The following DIPK1C variants were observed in gnomAD, a reference collection of about 807,000 sequenced individuals.
The protein encoded by DIPK1C is familial non-conventional Alzheimer's dementia.
A neutral mutation model predicts 28.0 loss-of-function variants in DIPK1C; 33 were observed. That is an observed-to-expected ratio of 1.18 (90% CI 0.89 to 1.58). The LOEUF (loss-of-function observed/expected upper bound fraction) is 1.58. Ranked by LOEUF, DIPK1C falls within the 40% of genes most tolerant of loss-of-function variation. The pLI, the probability that DIPK1C is intolerant of heterozygous loss-of-function variation, is 0.00. For missense variants in DIPK1C, 569 were observed against 568.5 expected (o/e 1.00, Z -0.01); for synonymous variants, 255 against 248.8 (o/e 1.02, Z -0.23).
At chr18:74,458,603 G>GGGGTTTGGGTGTCACTCAACCAACAGCA (rs1986568773), upstream of DIPK1C, among the ~76,000 whole-genome samples, 1 of 132,442 alleles carries the variant, frequency 7.6e-6, no homozygotes. Context: ...ACAGACCCTT[G>GGGGTTTGGGTGTCACTCAACCAACAGCA]GGGTTTGGGT....
intron 1 of DIPK1C, among the ~76,000 whole-genome samples, chr18:74,450,578 G>A (rs550825628): frequency 2.0e-5 from 3 of 152,342 alleles, no homozygotes; most frequent in East Asian, 1.9e-4. Flanking sequence ...GGTGCCTACT[G>A]TGACTGCCAG....
At chr18:74,450,805 G>A (rs1986380839) in intron 1 of DIPK1C, among the ~76,000 whole-genome samples, 1 of 152,264 alleles carries the variant, frequency 6.6e-6, no homozygotes, top group African/African-American at 2.4e-5. Context: ...AGAGGGGACA[G>A]GCTTCGAAAT....
intron 3 of DIPK1C, among the ~76,000 whole-genome samples, chr18:74,440,188 C>T (rs1163031295): frequency 6.6e-6 from 1 of 152,146 alleles, no homozygotes; most frequent in Non-Finnish European, 1.5e-5. Context: ...TTGTGATCCA[C>T]CCACCTCGGC....
intron 1 of DIPK1C, among the ~76,000 whole-genome samples, chr18:74,456,423 CG>C (rs1225791196): frequency 6.6e-6 from 1 of 152,272 alleles, no homozygotes; most frequent in Non-Finnish European, 1.5e-5. Context: ...GACCGGGACC[CG>C]GGATCCTCCC....
At chr18:74,438,560 A>G (rs577309153) in intron 3 of DIPK1C, among the ~76,000 whole-genome samples, 1 of 152,362 alleles carries the variant, frequency 6.6e-6, no homozygotes, top group South Asian at 2.1e-4. Flanking sequence ...CATTTTGCCA[A>G]CAGGTGGGTG....
chr18:74,444,233 C>T (rs995239752), intron 2 of DIPK1C, among the ~76,000 whole-genome samples: 1 of 152,212 alleles, frequency 6.6e-6, no homozygotes, highest in South Asian at 2.1e-4. Context: ...GGAAGCCATA[C>T]CATCTGTTGG....
At chr18:74,443,170 A>G (rs1187324244) in intron 2 of DIPK1C, among the ~76,000 whole-genome samples, 1 of 152,236 alleles carries the variant, frequency 6.6e-6, no homozygotes, top group Non-Finnish European at 1.5e-5. Flanking sequence ...TCTCCCTGGC[A>G]TCCAACCAAA....
chr18:74,445,134 C>T (rs1986229966), intron 2 of DIPK1C, among the ~76,000 whole-genome samples: 2 of 152,176 alleles, frequency 1.3e-5, no homozygotes, highest in Admixed American at 1.3e-4. Context: ...GAGAACTGGC[C>T]CGCAGCTGCC....
At chr18:74,458,658 C>CAGGGTTTGGGTGTCACTCAATCAACAGCA (rs1555699871), upstream of DIPK1C, among the ~76,000 whole-genome samples, 6 of 152,094 alleles carry the variant, frequency 3.9e-5, no homozygotes, top group Non-Finnish European at 7.4e-5. Context: ...CAATCAACAG[C>CAGGGTTTGGGTGTCACTCAATCAACAGCA]GGTAAGGCCA....
intron 1 of DIPK1C, among the ~76,000 whole-genome samples, chr18:74,455,588 C>G (rs1252212232): frequency 6.6e-6 from 1 of 151,878 alleles, no homozygotes; most frequent in Non-Finnish European, 1.5e-5. Context: ...GTTGGGAGTT[C>G]GAGACGAGCC....
At chr18:74,442,179 T>G in intron 2 of DIPK1C, 63 bp from the exon 3 acceptor site, 1 of 1,586,430 alleles carries the variant, frequency 6.3e-7, no homozygotes, top group Non-Finnish European at 8.6e-7. Flanking sequence ...AGAGGGAGCC[T>G]GTTCACAACT....
chr18:74,457,439 A>G (rs1362032484), upstream of DIPK1C, among the ~76,000 whole-genome samples: 1 of 151,658 alleles, frequency 6.6e-6, no homozygotes, highest in African/African-American at 2.4e-5. Context: ...CAGCAGCAGC[A>G]ACACCCCGCG....
At chr18:74,462,094 T>C (rs1262057078), upstream of DIPK1C, among the ~76,000 whole-genome samples, 2 of 152,166 alleles carry the variant, frequency 1.3e-5, no homozygotes, top group African/African-American at 4.8e-5. Flanking sequence ...TTTATTGAGG[T>C]ATAATTTGTA....
At position 74,435,809 on chromosome 18, in the gene DIPK1C, G is replaced by A. The variant is rs1165685337; in HGVS notation, c.*692C>T. ...GCTAGGTAGGCAAGATGTTCCGGAG[G>A]ACACACTAGAGAAAGCACCACTCCC... On this transcript the variant is annotated 3_prime_UTR_variant, in exon 4 of 4. Transcript: ENST00000343998. The A allele has an allele frequency of 6.6e-6, 1 of 152,230 alleles. No homozygotes were observed. Among genetic ancestry groups the A allele is most frequent in the Non-Finnish European group, 1.5e-5 (1 of 68,006 alleles). 9.4% of individuals were successfully genotyped at this position (152,230 alleles called of 1,614,324 possible).
intron 2 of DIPK1C, among the ~76,000 whole-genome samples, chr18:74,444,636 G>A (rs1327469170): frequency 6.6e-6 from 1 of 152,166 alleles, no homozygotes; most frequent in Non-Finnish European, 1.5e-5. Context: ...GATACTGTTG[G>A]TTTTCACTTA....
chr18:74,436,748 T>G (rs749381624), intron 3 of DIPK1C, 29 bp from the exon 4 acceptor site: 1 of 1,568,950 alleles, frequency 6.4e-7, no homozygotes. Flanking sequence ...GACAGTTAAT[T>G]TAGGGCAGCA....
Position 74,445,874 on chromosome 18 carries a change from G to A in DIPK1C, c.876+732C>T, listed in dbSNP as rs184750170. Among the ~76,000 whole-genome samples the A allele has an allele frequency of 2.6e-3, 399 of 152,284 alleles. 2 individuals carry two copies. Among genetic ancestry groups the A allele is most frequent in the Non-Finnish European group, 3.4e-3 (231 of 68,014 alleles). On this transcript the variant is annotated intron_variant, in intron 2 of 3. Transcript: ENST00000343998. ...ACAGCGTGAGGGCACTGGGATGATC[G>A]CAGCAGCATGAATCTGACCCATCAG...
Position 74,447,035 on chromosome 18 carries a change from C to G in DIPK1C, c.447G>C (p.Leu149=), listed in dbSNP as rs1568264031. 6.5e-7 allele frequency: 1 copy of G among 1,548,716 alleles called. No homozygotes were observed. Among genetic ancestry groups the G allele is most frequent in the South Asian group, 1.2e-5 (1 of 83,838 alleles). The change falls in exon 2 of 4, where the codon CTG becomes CTC. Residue 149 remains leucine (L), a synonymous_variant. Coordinates refer to ENST00000343998, the MANE Select transcript of DIPK1C (RefSeq NM_001044369.3). The surrounding 1 kb of genome is among the most constrained non-coding windows in gnomAD (Gnocchi z 4.1). ...CGCTCTTGACCTCCCCAGCCACCATCAGGAGGAGTTCGGCCTCGGGCATGT... is the reference window on the plus strand; with the variant it reads ...CGCTCTTGACCTCCCCAGCCACCATGAGGAGGAGTTCGGCCTCGGGCATGT... ...GQDMPEAELL[L]MVAGEVKSAL... is the part of the protein sequence containing the mutation.
chr18:74,442,490 G>T (rs891628885), intron 2 of DIPK1C, among the ~76,000 whole-genome samples: 1 of 151,802 alleles, frequency 6.6e-6, no homozygotes, highest in Non-Finnish European at 1.5e-5. Flanking sequence ...CACCACACCC[G>T]GCTAATTTTT....
Sources: gnomAD v4.1 joint callset for allele counts (sites outside exome capture counted in the v4.1 genomes callset) on GRCh38, gnomAD v4.1.1 for gene constraint, Gnocchi (gnomAD v3.1) non-coding constraint, MANE v1.5 for transcripts, NCBI Gene and HGNC (gene_info 2026-07-23, HGNC 2026-07-21) for gene names.